Variants in ZMYM4 observed in about 807,000 individuals in gnomAD.
The protein encoded by ZMYM4 is zinc finger MYM-type containing 4, also known as zinc finger MYM-type protein 4.
ZMYM4 carries 31 observed loss-of-function variants against 183.2 expected under a neutral mutation model. The ratio of observed to expected loss-of-function variants is 0.17; its 90% CI spans 0.13 to 0.23. The LOEUF (loss-of-function observed/expected upper bound fraction) is 0.23, where lower values mean the gene tolerates loss of function less well. Among genes scored for constraint, ZMYM4 ranks in the 10% least tolerant of loss-of-function variants. The pLI is 1.00. For synonymous variants in ZMYM4, 592 were observed against 631.2 expected (o/e 0.94, Z 0.93); for missense variants, 1,273 against 1,840.3 (o/e 0.69, Z 5.64).
intron 27 of ZMYM4, 32 bp from the exon 28 acceptor site, chr1:35,415,434 G>T (rs780624045): frequency 6.2e-7 from 1 of 1,613,670 alleles, no homozygotes; most frequent in Non-Finnish European, 8.5e-7. Flanking sequence ...CAGGAGCTCA[G>T]TACTGTTTCT....
At chr1:35,335,934 A>G (rs114593694) in intron 2 of ZMYM4, among the ~76,000 whole-genome samples, 7,233 of 152,248 alleles carry the variant, frequency 0.048, 233 homozygotes, top group South Asian at 0.071. Context: ...TCTCAAAAAA[A>G]CAAAACAAAA....
intron 26 of ZMYM4, among the ~76,000 whole-genome samples, chr1:35,413,745 CTT>C (rs1018176382): frequency 6.6e-6 from 1 of 152,180 alleles, no homozygotes; most frequent in Admixed American, 6.5e-5. Flanking sequence ...AGTACAAAAA[CTT>C]TACCTTGCAA....
In ZMYM4 at chr1:35,344,473, AT is replaced by A. The variant is rs559794324; in HGVS notation, c.86-14441del. 1.4e-3 allele frequency among the ~76,000 whole-genome samples: 212 copies of A among 146,450 alleles called. 1 individual carries two copies. The highest frequency in any genetic ancestry group is 2.4e-3 in the Admixed American group (35 of 14,696). ...CTGTTAAGTAGGTCATGAGATGTTG[AT>A]TTTTTTTTTTATAGATGCCCTCTCT... On this transcript the variant is annotated intron_variant, in intron 2 of 29. Coordinates refer to ENST00000314607, the MANE Select transcript of ZMYM4 (RefSeq NM_005095.3).
intron 1 of ZMYM4, among the ~76,000 whole-genome samples, chr1:35,320,606 G>T (rs887962308): frequency 6.6e-6 from 1 of 152,184 alleles, no homozygotes; most frequent in Admixed American, 6.5e-5. Flanking sequence ...TCAAGTCACA[G>T]CCTGGGGCTT....
chr1:35,395,585 T>C (rs1644794940), intron 18 of ZMYM4, among the ~76,000 whole-genome samples: 1 of 152,228 alleles, frequency 6.6e-6, no homozygotes, highest in African/African-American at 2.4e-5. Context: ...GGACTCTATA[T>C]GCTCCTTGAC....
chr1:35,359,253 T>C lies in ZMYM4; in HGVS notation c.414T>C (p.Phe138=), dbSNP rs1337516198. 1.2e-6 allele frequency: 2 copies of C among 1,609,458 alleles called. No homozygotes were observed. Among genetic ancestry groups the C allele is most frequent in the Non-Finnish European group, 1.7e-6 (2 of 1,178,496 alleles). ...TTCAAAATAAGTTAAAAAAAGACTT[T>C]CCTAAACAATTTGATCAGGTTTCTG... The part of the protein sequence containing the change: ...IQIQNKLKKD[F]PKQFDQVSVF... Residue 138 remains phenylalanine (F), a synonymous_variant, in exon 3 of 30, where the codon TTT becomes TTC. Coordinates refer to ENST00000314607, the MANE Select transcript of ZMYM4 (RefSeq NM_005095.3).
chr1:35,382,256 ATATG>A (rs1410390983), intron 9 of ZMYM4, among the ~76,000 whole-genome samples: 8 of 150,700 alleles, frequency 5.3e-5, no homozygotes, highest in African/African-American at 1.7e-4. Context: ...ATATATGTAA[ATATG>A]TATGTGTATA....
At chr1:35,386,924 C>T in intron 11 of ZMYM4, 79 bp from the exon 12 acceptor site, 1 of 1,470,108 alleles carries the variant, frequency 6.8e-7, no homozygotes, top group Non-Finnish European at 9.1e-7. Flanking sequence ...TAGAACGGTG[C>T]TTGGCATATG....
At chr1:35,371,361 C>T (rs1369478522) in intron 7 of ZMYM4, among the ~76,000 whole-genome samples, 8 of 152,094 alleles carry the variant, frequency 5.3e-5, no homozygotes, top group African/African-American at 1.9e-4. Flanking sequence ...CGTGATCTGC[C>T]TGCCTCAGCC....
chr1:35,286,668 G>A (rs1360495324), intron 1 of ZMYM4, among the ~76,000 whole-genome samples: 1 of 148,646 alleles, frequency 6.7e-6, no homozygotes, highest in Non-Finnish European at 1.5e-5. Context: ...GCATGATCAC[G>A]GCTCACTGAA....
At chr1:35,386,483 T>C (rs1014573619) in intron 11 of ZMYM4, among the ~76,000 whole-genome samples, 2 of 152,086 alleles carry the variant, frequency 1.3e-5, no homozygotes, top group Admixed American at 6.6e-5. Flanking sequence ...GAGAACTCAC[T>C]ATCACCAGAA....
intron 1 of ZMYM4, among the ~76,000 whole-genome samples, chr1:35,302,200 C>CCTTTTTTTTTTTT (rs1641311910): frequency 5.1e-5 from 3 of 58,556 alleles, no homozygotes; most frequent in African/African-American, 1.9e-4. Context: ...ACGGCTCTTG[C>CCTTTTTTTTTTTT]TTTTTTTTTT....
chr1:35,376,034 C>T (rs1251167393), intron 7 of ZMYM4, among the ~76,000 whole-genome samples: 1 of 151,606 alleles, frequency 6.6e-6, no homozygotes, highest in East Asian at 1.9e-4. Context: ...TATGATCACA[C>T]TCCTGCTCTT....
At chr1:35,293,279 A>G (rs1330793884) in intron 1 of ZMYM4, among the ~76,000 whole-genome samples, 2 of 152,090 alleles carry the variant, frequency 1.3e-5, no homozygotes, top group African/African-American at 4.8e-5. Flanking sequence ...TGCTAGGACT[A>G]CAGGTGTGAA....
At chr1:35,413,082 A>T (rs1171903965) in intron 26 of ZMYM4, among the ~76,000 whole-genome samples, 1 of 151,876 alleles carries the variant, frequency 6.6e-6, no homozygotes, top group African/African-American at 2.4e-5. Flanking sequence ...TTGCTCTGTT[A>T]CCCAGGCTGA....
intron 2 of ZMYM4, among the ~76,000 whole-genome samples, chr1:35,328,024 C>T (rs988523248): frequency 6.6e-6 from 1 of 152,098 alleles, no homozygotes; most frequent in African/African-American, 2.4e-5. Flanking sequence ...TGCCTTTGCT[C>T]AAGTGTGTAT....
intron 26 of ZMYM4, among the ~76,000 whole-genome samples, chr1:35,408,884 T>C (rs1414896712): frequency 6.6e-6 from 1 of 152,232 alleles, no homozygotes; most frequent in Non-Finnish European, 1.5e-5. Context: ...GTCTATTCTG[T>C]AGCTTTATGA....
At chr1:35,390,186 T>G in intron 15 of ZMYM4, 88 bp downstream of exon 15, 1 of 1,370,308 alleles carries the variant, frequency 7.3e-7, no homozygotes, top group Non-Finnish European at 9.7e-7. Flanking sequence ...TGTAAACAGT[T>G]GTCATTAATT....
intron 1 of ZMYM4, among the ~76,000 whole-genome samples, chr1:35,298,425 A>G (rs997477889): frequency 1.1e-4 from 16 of 152,170 alleles, no homozygotes; most frequent in African/African-American, 3.6e-4. Flanking sequence ...AAAAGTCACT[A>G]GGAAGCCCCT....
Sources: allele counts gnomAD v4.1 joint callset (sites outside exome capture counted in the v4.1 genomes callset), GRCh38; gene constraint gnomAD v4.1.1; transcripts MANE v1.5; gene names NCBI Gene and HGNC (gene_info 2026-07-23, HGNC 2026-07-21).